Variants in TMEM123 observed in about 807,000 individuals in gnomAD.
TMEM123 encodes transmembrane protein 123.
Under a neutral mutation model 19.7 loss-of-function variants are expected in TMEM123, and 16 were observed. The ratio of observed to expected loss-of-function variants is 0.81; its 90% CI spans 0.55 to 1.23. The LOEUF (loss-of-function observed/expected upper bound fraction) is 1.23, where lower values mean the gene tolerates loss of function less well. Ranked by LOEUF, TMEM123 falls within the 50% of genes most tolerant of loss-of-function variation. The pLI is 0.00. For missense variants in TMEM123, 313 were observed against 257.8 expected (o/e 1.21, Z -1.47); for synonymous variants, 118 against 99.4 (o/e 1.19, Z -1.12).
intron 2 of TMEM123, among the ~76,000 whole-genome samples, chr11:102,416,333 C>A (rs1317540620): frequency 2.6e-5 from 4 of 152,118 alleles, no homozygotes; most frequent in African/African-American, 4.8e-5. Context: ...AACATTACCA[C>A]CAACCCTACA....
At chr11:102,423,021 A>T (rs770126740) in intron 2 of TMEM123, among the ~76,000 whole-genome samples, 2 of 152,198 alleles carry the variant, frequency 1.3e-5, no homozygotes, top group Non-Finnish European at 2.9e-5. Context: ...CTGACTCGAC[A>T]ATCCCACTTC....
At chr11:102,427,841 TA>T (rs573686519) in intron 2 of TMEM123, among the ~76,000 whole-genome samples, 3,761 of 140,912 alleles carry the variant, frequency 0.027, 135 homozygotes, top group African/African-American at 0.086. Flanking sequence ...CTGTTTCAAT[TA>T]AAAAAAAAAA....
chr11:102,397,602 A>G lies in TMEM123; in HGVS notation c.*1265T>C, dbSNP rs188884172. ...TACTTCTCCTTCAGCATGGAGTAAGAGGAGGGATTTGAGGGAATATCCAAA... is the reference window on the plus strand; with the variant it reads ...TACTTCTCCTTCAGCATGGAGTAAGGGGAGGGATTTGAGGGAATATCCAAA... On this transcript the variant is annotated 3_prime_UTR_variant, in exon 5 of 5. Transcript: ENST00000398136. 1 of 152,320 alleles carries G rather than the reference A, an allele frequency of 6.6e-6. No homozygotes were observed. Among genetic ancestry groups the G allele is most frequent in the African/African-American group, 2.4e-5 (1 of 41,576 alleles). 9.4% of individuals were successfully genotyped at this position (152,320 alleles called of 1,614,324 possible).
chr11:102,429,560 C>G (rs952932545), intron 2 of TMEM123, among the ~76,000 whole-genome samples: 1 of 152,210 alleles, frequency 6.6e-6, no homozygotes, highest in Admixed American at 6.5e-5. Context: ...CATTTCCTTA[C>G]AATTAACAAA....
chr11:102,422,050 C>A (rs1279820365), intron 2 of TMEM123, among the ~76,000 whole-genome samples: 2 of 152,202 alleles, frequency 1.3e-5, no homozygotes, highest in Non-Finnish European at 2.9e-5. Context: ...TACCTGAATT[C>A]TAGAGTCTGG....
chr11:102,434,401 T>C (rs1294322667), intron 2 of TMEM123, among the ~76,000 whole-genome samples: 2 of 151,974 alleles, frequency 1.3e-5, no homozygotes, highest in African/African-American at 4.8e-5. Context: ...TTTTGAGAAA[T>C]GTCTGTCTAT....
In TMEM123 at chr11:102,397,927, A is replaced by T. The variant is rs1389400718; in HGVS notation, c.*940T>A. The T allele has an allele frequency of 6.6e-6, 1 of 152,226 alleles. No individual in the cohort carries two copies. Among genetic ancestry groups the T allele is most frequent in the Non-Finnish European group, 1.5e-5 (1 of 68,026 alleles). 9.4% of individuals were successfully genotyped at this position (152,226 alleles called of 1,614,324 possible). ...CTTTTTCTTAAAGTTAGGTGTGTTT[A>T]CACTCAATTAAAAATTTCTAGATAT... is the stretch of plus-strand genomic sequence containing the variant. On this transcript the variant is annotated 3_prime_UTR_variant, in exon 5 of 5. Coordinates refer to ENST00000398136, the MANE Select transcript of TMEM123 (RefSeq NM_052932.3).
intron 2 of TMEM123, among the ~76,000 whole-genome samples, chr11:102,424,795 G>A (rs1373545242): frequency 6.6e-6 from 1 of 152,100 alleles, no homozygotes; most frequent in Non-Finnish European, 1.5e-5. Context: ...TATTTACCTG[G>A]CACAGAAAAG....
rs1056087500 is a variant in TMEM123, at chr11:102,397,357, G to T, written c.*1510C>A. 1.3e-4 allele frequency: 20 copies of T among 152,116 alleles called. No individual in the cohort carries two copies. Among genetic ancestry groups the T allele is most frequent in the African/African-American group, 4.8e-4 (20 of 41,428 alleles). The allele number at this position is 152,116 out of a possible 1,614,324, so 9.4% of individuals were successfully genotyped here. A position where few individuals can be genotyped will look rare whatever the true frequency, so the allele number is the denominator to read the frequency against. ...ATTAGGACATCTGAGCTATTTTTAG[G>T]ACCTTCAGAAACTGGTGTGATTCAC... On this transcript the variant is annotated 3_prime_UTR_variant, in exon 5 of 5. Coordinates refer to ENST00000398136, the MANE Select transcript of TMEM123 (RefSeq NM_052932.3).
intron 2 of TMEM123, among the ~76,000 whole-genome samples, chr11:102,417,720 C>G (rs1033001791): frequency 1.5e-4 from 23 of 152,176 alleles, no homozygotes; most frequent in Admixed American, 1.5e-3. Context: ...CTAGAGTCAT[C>G]ATGCTACCTG....
intron 2 of TMEM123, among the ~76,000 whole-genome samples, chr11:102,413,994 A>G (rs1952025278): frequency 1.3e-5 from 2 of 152,228 alleles, no homozygotes; most frequent in South Asian, 4.1e-4. Context: ...CTGAAACACA[A>G]AATAGCAATT....
At chr11:102,451,300 G>A (rs780396030) in intron 1 of TMEM123, 2 of 151,956 alleles carry the variant, frequency 1.3e-5, no homozygotes, top group Non-Finnish European at 2.9e-5. Context: ...TGAGATAATT[G>A]GTATAAAATT....
rs756647541 is a variant in TMEM123, at chr11:102,401,936, G to A, written c.428C>T (p.Ser143Phe). 1.2e-6 allele frequency: 2 copies of A among 1,614,064 alleles called. No homozygotes were observed. Among genetic ancestry groups the A allele is most frequent in the South Asian group, 2.2e-5 (2 of 91,068 alleles). ...CATACTTGTTACTGATGAAGCAGCA[G>A]ATGTCACTGAACTATTGTGGGTTAC... ...MTVTHNSSVT[S>F]AASSVTITTT... is the part of the protein sequence containing the mutation. The change falls in exon 3 of 5, where the codon TCT becomes TTT. Residue 143 changes from serine to phenylalanine, a missense_variant. By Grantham distance (155) the Ser-to-Phe change is radical. Transcript: ENST00000398136.
At chr11:102,417,066 C>T (rs946154205) in intron 2 of TMEM123, among the ~76,000 whole-genome samples, 5 of 152,166 alleles carry the variant, frequency 3.3e-5, no homozygotes, top group African/African-American at 7.2e-5. Flanking sequence ...GAAGCACTCC[C>T]TTTGAGAACC....
chr11:102,450,840 C>G (rs1158933325), intron 1 of TMEM123, among the ~76,000 whole-genome samples: 1 of 152,136 alleles, frequency 6.6e-6, no homozygotes, highest in Non-Finnish European at 1.5e-5. Context: ...TAAAAATCAG[C>G]CATTAAGAGT....
intron 2 of TMEM123, among the ~76,000 whole-genome samples, chr11:102,442,268 C>T (rs1840334004): frequency 6.6e-6 from 1 of 152,152 alleles, no homozygotes; most frequent in South Asian, 2.1e-4. Context: ...GACCAATATC[C>T]CTGATGAATA....
chr11:102,439,051 C>G (rs1857796308), intron 2 of TMEM123, among the ~76,000 whole-genome samples: 1 of 152,202 alleles, frequency 6.6e-6, no homozygotes, highest in Non-Finnish European at 1.5e-5. Flanking sequence ...GGGGCGTCCG[C>G]CAGTGCTGAG....
At chr11:102,412,773 T>C (rs971229105) in intron 2 of TMEM123, among the ~76,000 whole-genome samples, 9 of 152,102 alleles carry the variant, frequency 5.9e-5, no homozygotes, top group Non-Finnish European at 1.0e-4. Context: ...TGGAGAAAAG[T>C]AGATACTTTT....
chr11:102,414,845 T>C (rs1008284751), intron 2 of TMEM123, among the ~76,000 whole-genome samples: 23 of 152,086 alleles, frequency 1.5e-4, no homozygotes, highest in Admixed American at 1.5e-3. Flanking sequence ...TCCACACATA[T>C]CAATGTTAAC....
Sources: gnomAD v4.1 joint callset for allele counts (sites outside exome capture counted in the v4.1 genomes callset) on GRCh38, gnomAD v4.1.1 for gene constraint, MANE v1.5 for transcripts, NCBI Gene and HGNC (gene_info 2026-07-23, HGNC 2026-07-21) for gene names.